The following MAML3 variants were observed in gnomAD, a reference collection of about 807,000 sequenced individuals.
The protein encoded by MAML3 is mastermind-like protein 3.
Under a neutral mutation model 101.9 loss-of-function variants are expected in MAML3, and 27 were observed. The ratio of observed to expected loss-of-function variants is 0.27; its 90% CI spans 0.20 to 0.37. The LOEUF (loss-of-function observed/expected upper bound fraction) is 0.37. Ranked by LOEUF, MAML3 falls within the 10% of genes least tolerant of loss-of-function variation. The probability of loss-of-function intolerance (pLI) is 1.00; values close to 1 mark genes in which losing one functional copy is unlikely to be tolerated. For missense variants in MAML3, 1,316 were observed against 1,444.9 expected (o/e 0.91, Z 1.45); for synonymous variants, 501 against 555.9 (o/e 0.90, Z 1.39).
At chr4:139,924,120 T>C (rs114640647) in intron 1 of MAML3, among the ~76,000 whole-genome samples, 5 of 152,202 alleles carry the variant, frequency 3.3e-5, no homozygotes, top group African/African-American at 1.2e-4. Context: ...TTCTTCAACC[T>C]ATTACTCTCT....
chr4:140,099,582 T>C (rs1393901256), intron 1 of MAML3, among the ~76,000 whole-genome samples: 1 of 152,208 alleles, frequency 6.6e-6, no homozygotes, highest in Non-Finnish European at 1.5e-5. Flanking sequence ...CCAAACATGC[T>C]TGGCTCTGAA....
chr4:139,761,051 C>T (rs1427386087), intron 2 of MAML3, among the ~76,000 whole-genome samples: 1 of 152,120 alleles, frequency 6.6e-6, no homozygotes, highest in African/African-American at 2.4e-5. Flanking sequence ...CTCCACCTCC[C>T]GGGTTCAAGT....
chr4:139,767,587 A>C (rs1729889899), intron 2 of MAML3, among the ~76,000 whole-genome samples: 1 of 152,256 alleles, frequency 6.6e-6, no homozygotes. Flanking sequence ...ATATTACATT[A>C]ATCACATACC....
intron 2 of MAML3, among the ~76,000 whole-genome samples, chr4:139,827,541 A>G (rs1442114127): frequency 6.6e-6 from 1 of 152,232 alleles, no homozygotes; most frequent in Non-Finnish European, 1.5e-5. Context: ...TAGGGGGGAA[A>G]AAACAGAAAA....
At chr4:139,968,563 C>T (rs904390402) in intron 1 of MAML3, among the ~76,000 whole-genome samples, 8 of 152,040 alleles carry the variant, frequency 5.3e-5, no homozygotes, top group Non-Finnish European at 1.2e-4. Flanking sequence ...TGTTACAGTC[C>T]AGACTTTCTC....
At chr4:140,122,041 T>C (rs1009553025) in intron 1 of MAML3, among the ~76,000 whole-genome samples, 4 of 152,170 alleles carry the variant, frequency 2.6e-5, no homozygotes, top group African/African-American at 9.7e-5. Flanking sequence ...CCGCCATGAT[T>C]GTAAGTTTCC....
At chr4:139,952,335 C>A (rs1247626460) in intron 1 of MAML3, among the ~76,000 whole-genome samples, 1 of 152,074 alleles carries the variant, frequency 6.6e-6, no homozygotes, top group Non-Finnish European at 1.5e-5. Context: ...ATCAGGTAGG[C>A]AGGGGGTCTC....
At chr4:139,945,639 A>C (rs535434720) in intron 1 of MAML3, among the ~76,000 whole-genome samples, 2 of 152,346 alleles carry the variant, frequency 1.3e-5, no homozygotes, top group East Asian at 3.9e-4. Context: ...TAGGTTCACA[A>C]ACTTTGTTTC....
chr4:139,888,575 C>T (rs371910161), intron 2 of MAML3: 4 of 518,862 alleles, frequency 7.7e-6, no homozygotes, highest in Non-Finnish European at 1.5e-5. Flanking sequence ...TTGTCAATGA[C>T]TATTCACTTC....
intron 1 of MAML3, among the ~76,000 whole-genome samples, chr4:140,121,651 T>TAAGTCA (rs143663744): frequency 2.0e-5 from 3 of 152,358 alleles, no homozygotes; most frequent in Non-Finnish European, 2.9e-5. Context: ...AAGTGATATC[T>TAAGTCA]AAGTCAAATT....
intron 1 of MAML3, among the ~76,000 whole-genome samples, chr4:139,980,311 G>A (rs1734422330): frequency 6.6e-6 from 1 of 152,140 alleles, no homozygotes; most frequent in Non-Finnish European, 1.5e-5. Context: ...TGATCCCTGA[G>A]AAAATTCCCT....
intron 1 of MAML3, among the ~76,000 whole-genome samples, chr4:139,913,517 A>G (rs1732970343): frequency 6.6e-6 from 1 of 152,106 alleles, no homozygotes; most frequent in African/African-American, 2.4e-5. Context: ...TTCATGGGGG[A>G]AAAGTCAGCA....
intron 2 of MAML3, among the ~76,000 whole-genome samples, chr4:139,748,911 C>T (rs1426762704): frequency 6.6e-6 from 1 of 152,142 alleles, no homozygotes; most frequent in Non-Finnish European, 1.5e-5. Flanking sequence ...CTCTTAGGGG[C>T]TCCTCTTTGC....
At chr4:139,893,064 C>T (rs1732535745) in intron 1 of MAML3, among the ~76,000 whole-genome samples, 3 of 152,084 alleles carry the variant, frequency 2.0e-5, no homozygotes, top group Admixed American at 2.0e-4. Flanking sequence ...CTACATTTTC[C>T]ATAAACTCTC....
chr4:140,075,718 T>C (rs374792455), intron 1 of MAML3, among the ~76,000 whole-genome samples: 23 of 151,450 alleles, frequency 1.5e-4, no homozygotes, highest in Middle Eastern at 3.4e-3. Context: ...AAATTTTTTT[T>C]GTAGAGATGA....
chr4:139,993,222 C>T (rs543678538), intron 1 of MAML3, among the ~76,000 whole-genome samples: 8 of 151,800 alleles, frequency 5.3e-5, no homozygotes, highest in African/African-American at 1.7e-4. Context: ...CATGGTGGCA[C>T]ACCCCTGTAA....
At chr4:139,934,647 C>CTTAA (rs1733470893) in intron 1 of MAML3, among the ~76,000 whole-genome samples, 1 of 152,114 alleles carries the variant, frequency 6.6e-6, no homozygotes, top group Non-Finnish European at 1.5e-5. Context: ...TGTCTCCACC[C>CTTAA]CTGACTTTAA....
intron 2 of MAML3, among the ~76,000 whole-genome samples, chr4:139,834,173 C>A (rs950806224): frequency 1.3e-5 from 2 of 152,240 alleles, no homozygotes; most frequent in Non-Finnish European, 2.9e-5. Flanking sequence ...TAATAGGAAA[C>A]TTATCTTCAT....
At chr4:139,759,422 C>T (rs1340982221) in intron 2 of MAML3, among the ~76,000 whole-genome samples, 1 of 152,242 alleles carries the variant, frequency 6.6e-6, no homozygotes, top group Admixed American at 6.5e-5. Context: ...CACATCCACC[C>T]TGCCCTTGCC....
Sources: gnomAD v4.1 joint callset for allele counts (sites outside exome capture counted in the v4.1 genomes callset) on GRCh38, gnomAD v4.1.1 for gene constraint, MANE v1.5 for transcripts, NCBI Gene and HGNC (gene_info 2026-07-23, HGNC 2026-07-21) for gene names.